The following USP53 variants were observed in gnomAD, a reference collection of about 807,000 sequenced individuals.
USP53 encodes the protein ubiquitin specific peptidase 53, also known as ubiquitin carboxyl-terminal hydrolase 53.
In USP53, 71 loss-of-function variants were observed where a neutral mutation model predicts 94.9. The observed-to-expected ratio is 0.75, with a 90% CI of 0.62 to 0.91. The LOEUF is 0.91. USP53 is among the 40% of genes least tolerant of loss of function. USP53 has a pLI of 0.00. For missense variants in USP53, 1,173 were observed against 1,281.0 expected, an observed-to-expected ratio of 0.92 and a Z score of 1.29; for synonymous variants, 375 against 422.7, an observed-to-expected ratio of 0.89 and a Z score of 1.39.
intron 3 of USP53, among the ~76,000 whole-genome samples, chr4:119,227,045 T>A (rs905069683): frequency 1.1e-4 from 16 of 151,724 alleles, no homozygotes; most frequent in Admixed American, 1.1e-3. Flanking sequence ...TTGCCCAAGG[T>A]GCTCTCAAAC....
At chr4:119,284,886 TTA>T (rs1022071096) in intron 17 of USP53, among the ~76,000 whole-genome samples, 5 of 151,924 alleles carry the variant, frequency 3.3e-5, no homozygotes, top group Non-Finnish European at 7.4e-5. Flanking sequence ...CTCTAAGACT[TTA>T]TGTTTTTACA....
chr4:119,291,289 A>C, intron 18 of USP53, 28 bp downstream of exon 18: 7 of 1,466,276 alleles, frequency 4.8e-6, no homozygotes, highest in Non-Finnish European at 6.6e-6. Flanking sequence ...CCCTAAATAC[A>C]TGTATTATAG....
At chr4:119,246,804 C>T (rs1414247767) in intron 6 of USP53, among the ~76,000 whole-genome samples, 1 of 152,152 alleles carries the variant, frequency 6.6e-6, no homozygotes, top group Non-Finnish European at 1.5e-5. Flanking sequence ...AACAGAGCAT[C>T]CAGTATATAT....
intron 17 of USP53, among the ~76,000 whole-genome samples, chr4:119,290,227 G>C (rs1754594167): frequency 6.6e-6 from 1 of 152,038 alleles, no homozygotes; most frequent in Admixed American, 6.5e-5. Flanking sequence ...TGATTAATTT[G>C]GTATCTGAAA....
chr4:119,230,853 T>C (rs559130269), intron 3 of USP53, among the ~76,000 whole-genome samples: 62 of 152,214 alleles, frequency 4.1e-4, no homozygotes, highest in African/African-American at 1.4e-3. Context: ...AAAGCCTTTA[T>C]TGGGGTCCAG....
intron 6 of USP53, among the ~76,000 whole-genome samples, chr4:119,246,566 A>T (rs1748267895): frequency 6.6e-6 from 1 of 152,180 alleles, no homozygotes; most frequent in Non-Finnish European, 1.5e-5. Context: ...TATGTAACTA[A>T]ATTTTGGGGG....
At chr4:119,226,703 G>A (rs1745304840) in intron 3 of USP53, among the ~76,000 whole-genome samples, 1 of 151,772 alleles carries the variant, frequency 6.6e-6, no homozygotes, top group Non-Finnish European at 1.5e-5. Flanking sequence ...TGTGGTTTTG[G>A]TATAATTCTA....
Position 119,256,424 on chromosome 4 carries a change from T to A in USP53, c.487-17T>A. The stretch of plus-strand genomic sequence containing the variant: ...TTTTATGATTGATAGATTAAACATA[T>A]GTTTTTACCTATATAGTGTGTGTGT... On this transcript the variant is annotated splice_polypyrimidine_tract_variant and intron_variant, in intron 8 of 18. Coordinates refer to ENST00000692078, the MANE Select transcript of USP53 (RefSeq NM_001371395.1). The A allele has an allele frequency of 1.9e-6, 3 of 1,613,816 alleles. No homozygotes were observed. The highest frequency in any genetic ancestry group is 1.7e-5 in the Admixed American group (1 of 60,022).
intron 12 of USP53, chr4:119,266,415 T>C (rs1181392148): frequency 2.7e-5 from 12 of 448,718 alleles, no homozygotes; most frequent in Non-Finnish European, 4.9e-5. Flanking sequence ...ATGAGAGCAA[T>C]GTATGAGAGT....
intron 4 of USP53, among the ~76,000 whole-genome samples, chr4:119,238,560 A>G (rs1747100424): frequency 6.6e-6 from 1 of 152,242 alleles, no homozygotes. Context: ...TGACATAGAC[A>G]TGAAGTGGGC....
At chr4:119,226,591 A>G (rs1248947505) in intron 3 of USP53, among the ~76,000 whole-genome samples, 4 of 152,172 alleles carry the variant, frequency 2.6e-5, no homozygotes, top group African/African-American at 7.2e-5. Flanking sequence ...TTAGCAAAAC[A>G]TTTCTAAGAG....
At chr4:119,255,547 C>T (rs557501167) in intron 7 of USP53, among the ~76,000 whole-genome samples, 49 of 152,300 alleles carry the variant, frequency 3.2e-4, no homozygotes, top group Middle Eastern at 3.4e-3. Context: ...GTGTCGGACC[C>T]GCTGAGCCAG....
intron 3 of USP53, among the ~76,000 whole-genome samples, chr4:119,226,208 C>A (rs1745230579): frequency 6.6e-6 from 1 of 152,176 alleles, no homozygotes; most frequent in Admixed American, 6.5e-5. Flanking sequence ...CTACAGCTAA[C>A]CCTACACATA....
chr4:119,273,593 A>G (rs750910304), intron 16 of USP53, 39 bp from the exon 17 acceptor site: 45 of 1,514,552 alleles, frequency 3.0e-5, no homozygotes, highest in Non-Finnish European at 4.0e-5. Context: ...AAGGCAGTCC[A>G]TAATACCTGA....
chr4:119,243,368 G>A (rs1422802576), intron 5 of USP53, among the ~76,000 whole-genome samples: 1 of 152,024 alleles, frequency 6.6e-6, no homozygotes, highest in African/African-American at 2.4e-5. Flanking sequence ...CGTGGTGGCA[G>A]GCACCTGTAG....
intron 12 of USP53, among the ~76,000 whole-genome samples, chr4:119,262,305 C>T (rs1335004259): frequency 6.6e-6 from 1 of 151,968 alleles, no homozygotes; most frequent in African/African-American, 2.4e-5. Flanking sequence ...ATAGATATAT[C>T]AGTTATATCT....
At position 119,271,645 on chromosome 4, in the gene USP53, T is replaced by G; in HGVS notation, c.1785T>G (p.Ser595Arg). The G allele has an allele frequency of 1.2e-6, 2 of 1,613,934 alleles. No homozygotes were observed. The highest frequency in any genetic ancestry group is 1.7e-6 in the Non-Finnish European group (2 of 1,180,034). The change falls in exon 16 of 19, where the codon AGT (serine) becomes AGG (arginine). Residue 595 changes from serine to arginine, a missense_variant. Coordinates refer to ENST00000692078, the MANE Select transcript of USP53 (RefSeq NM_001371395.1). Reference sequence around the variant, plus strand: ...TGAGAGAAACATTAAATGTTGATAGTATTTTTAGTGAAAGTGAAAAAAGAC... The same window carrying G: ...TGAGAGAAACATTAAATGTTGATAGGATTTTTAGTGAAAGTGAAAAAAGAC... ...KPMRETLNVD[S>R]IFSESEKRQH...
At chr4:119,268,160 C>T (rs1751401432) in intron 13 of USP53, 108 bp from the exon 14 acceptor site, 15 of 1,094,114 alleles carry the variant, frequency 1.4e-5, no homozygotes, top group East Asian at 3.2e-5. Flanking sequence ...GGCGACAGAG[C>T]GAGACTCCGT....
At chr4:119,229,390 C>T (rs1296644985) in intron 3 of USP53, among the ~76,000 whole-genome samples, 1 of 152,132 alleles carries the variant, frequency 6.6e-6, no homozygotes, top group Non-Finnish European at 1.5e-5. Flanking sequence ...TTATGTCCAA[C>T]CCTAAACTCT....
Sources: allele counts gnomAD v4.1 joint callset (sites outside exome capture counted in the v4.1 genomes callset), GRCh38; gene constraint gnomAD v4.1.1; transcripts MANE v1.5; gene names NCBI Gene and HGNC (gene_info 2026-07-23, HGNC 2026-07-21).